ALDH3B1: variants seen among roughly 807,000 people sequenced by gnomAD.
The protein encoded by ALDH3B1 is aldehyde dehydrogenase 3 family member B1, also known as aldehyde dehydrogenase family 3 member B1.
Under a neutral mutation model 46.2 loss-of-function variants are expected in ALDH3B1, and 37 were observed. The ratio of observed to expected loss-of-function variants is 0.80; its 90% CI spans 0.62 to 1.05. The LOEUF (loss-of-function observed/expected upper bound fraction) is 1.05, where lower values mean the gene tolerates loss of function less well. Among genes scored for constraint, ALDH3B1 ranks in the 50% least tolerant of loss-of-function variants. The pLI is 0.00. For synonymous variants in ALDH3B1, 283 were observed against 281.0 expected (o/e 1.01, Z -0.07); for missense variants, 603 against 665.5 (o/e 0.91, Z 1.03).
At chr11:68,021,392 A>T in intron 6 of ALDH3B1, 93 bp from the exon 7 acceptor site, 1 of 1,520,272 alleles carries the variant, frequency 6.6e-7, no homozygotes, top group Non-Finnish European at 8.8e-7. Context: ...CGCTGACTCC[A>T]CCACCTCTCC....
intron 1 of ALDH3B1, chr11:68,014,940 G>A (rs377333285): frequency 2.6e-5 from 6 of 228,828 alleles, no homozygotes; most frequent in East Asian, 9.0e-5. Flanking sequence ...ATTTCTGTGC[G>A]GCAGGAAGAA....
chr11:68,027,747 AG>A lies in ALDH3B1; in HGVS notation c.1217del. The stretch of plus-strand genomic sequence containing the variant: ...CCACCTGTGTTCTGTGCCACTGTAC[AG>A]GTGCCAGTGGGATGGGCCGGTACCA... On this transcript the variant is annotated splice_acceptor_variant, in intron 9 of 9. Transcript: ENST00000342456. LOFTEE classifies it high-confidence loss of function. 6.4e-7 allele frequency: 1 copy of A among 1,555,016 alleles called. No homozygotes were observed. The highest frequency in any genetic ancestry group is 8.7e-7 in the Non-Finnish European group (1 of 1,148,084).
At chr11:68,014,197 G>A (rs1453935681) in intron 1 of ALDH3B1, among the ~76,000 whole-genome samples, 2 of 152,186 alleles carry the variant, frequency 1.3e-5, no homozygotes, top group Admixed American at 6.5e-5. Context: ...CCAGTCTAAT[G>A]AGGGGGAAAT....
At chr11:68,018,659 G>A (rs773150926) in intron 3 of ALDH3B1, 22 bp downstream of exon 3, 7 of 1,556,258 alleles carry the variant, frequency 4.5e-6, no homozygotes, top group Non-Finnish European at 6.1e-6. Flanking sequence ...GGGCTGAGGC[G>A]GGCAGGGGGC....
chr11:68,015,982 C>T (rs1236357191), intron 2 of ALDH3B1: 4 of 258,944 alleles, frequency 1.5e-5, no homozygotes, highest in Non-Finnish European at 3.1e-5. Flanking sequence ...ATGAGAATCG[C>T]TTGAACCTGG....
chr11:68,012,031 A>T (rs1302365879), intron 1 of ALDH3B1, among the ~76,000 whole-genome samples: 1 of 152,226 alleles, frequency 6.6e-6, no homozygotes, highest in Non-Finnish European at 1.5e-5. Context: ...CCCCCAGACC[A>T]TGCCATGCTG....
At chr11:68,023,144 G>A (rs927081130) in intron 8 of ALDH3B1, among the ~76,000 whole-genome samples, 2 of 152,166 alleles carry the variant, frequency 1.3e-5, no homozygotes, top group South Asian at 2.1e-4. Context: ...GTCCAAGAAT[G>A]AGCCCTGATC....
At position 68,028,011 on chromosome 11, in the gene ALDH3B1, G is replaced by A. The variant is rs749849588; in HGVS notation, c.*72G>A. On this transcript the variant is annotated 3_prime_UTR_variant, in exon 10 of 10. Coordinates refer to ENST00000342456, the MANE Select transcript of ALDH3B1 (RefSeq NM_000694.4). ...TGCGGCTGGTGGAGACGGGGCCTGG[G>A]CTCCCGGGCCCGAGGAGGAAAAGGA... 1.3e-6 allele frequency: 2 copies of A among 1,557,090 alleles called. No individual in the cohort carries two copies. Among genetic ancestry groups the A allele is most frequent in the South Asian group, 2.3e-5 (2 of 87,472 alleles).
rs1314257388 is a variant in ALDH3B1 at position 68,029,256 on chromosome 11, T to A, written c.*1317T>A. The A allele has an allele frequency of 6.6e-6, 1 of 152,264 alleles. No individual in the cohort carries two copies. The highest frequency in any genetic ancestry group is 1.5e-5 in the Non-Finnish European group (1 of 68,070). The allele number at this position is 152,264 out of a possible 1,614,324, so 9.4% of individuals were successfully genotyped here. A position where few individuals can be genotyped will look rare whatever the true frequency, so the allele number is the denominator to read the frequency against. ...GTCTCTCTGGCTGATGTCACCTGAATAAAGCCTTCTTCCCTGGCAATACTT... is the reference window on the plus strand; with the variant it reads ...GTCTCTCTGGCTGATGTCACCTGAAAAAAGCCTTCTTCCCTGGCAATACTT... On this transcript the variant is annotated 3_prime_UTR_variant, in exon 10 of 10. Transcript: ENST00000342456.
At chr11:68,019,034 C>A in intron 4 of ALDH3B1, 136 bp from the exon 5 acceptor site, 2 of 1,456,362 alleles carry the variant, frequency 1.4e-6, no homozygotes, top group Non-Finnish European at 1.8e-6. Flanking sequence ...GCTGTGTGGC[C>A]CTGGGCCCGT....
chr11:68,022,683 G>C lies in ALDH3B1; in HGVS notation c.1038G>C (p.Gln346His), dbSNP rs1369073108. Residue 346 changes from glutamine (Q) to histidine (H), a missense_variant, in exon 8 of 10, where the codon CAG (glutamine) becomes CAC (histidine). Gln to His is a conservative substitution (Grantham distance 24, BLOSUM62 0). Transcript: ENST00000342456. ...CCATCCTGCCCATCGTGAACGTGCAGAGCTTGGACGAGGCCATCGAGTTCA... is the reference window on the plus strand; with the variant it reads ...CCATCCTGCCCATCGTGAACGTGCACAGCTTGGACGAGGCCATCGAGTTCA... Reference protein sequence around the residue: ...FGPILPIVNVQSLDEAIEFIN... With the variant: ...FGPILPIVNVHSLDEAIEFIN... 2.5e-6 allele frequency: 4 copies of C among 1,614,194 alleles called. No individual in the cohort carries two copies. In the Admixed American group the frequency reaches 6.7e-5, roughly 27 times the overall value.
intron 1 of ALDH3B1, among the ~76,000 whole-genome samples, chr11:68,013,081 G>C (rs1462536693): frequency 6.6e-6 from 1 of 152,148 alleles, no homozygotes; most frequent in African/African-American, 2.4e-5. Context: ...CCTATTCTGT[G>C]TGTCCACAAT....
In ALDH3B1 at chr11:68,021,567, C is replaced by T. The variant is rs1857493835; in HGVS notation, c.645C>T (p.Asn215=). The change falls in exon 7 of 10, where the codon AAC becomes AAT. Residue 215 remains asparagine, a synonymous_variant. Coordinates refer to ENST00000342456, the MANE Select transcript of ALDH3B1 (RefSeq NM_000694.4). ...TCACCCTGGAGCTGGGGGGCAAGAACCCTTGCTACGTGGACGACAACTGCG... is the reference window on the plus strand; with the variant it reads ...TCACCCTGGAGCTGGGGGGCAAGAATCCTTGCTACGTGGACGACAACTGCG... The part of the protein sequence containing the change: ...TPVTLELGGK[N]PCYVDDNCDP... 1 of 1,614,010 alleles carries T rather than the reference C, an allele frequency of 6.2e-7. No individual in the cohort carries two copies. The highest frequency in any genetic ancestry group is 1.1e-5 in the South Asian group (1 of 91,094).
rs1189718136 is a variant in ALDH3B1, at chr11:68,019,735, G to A, written c.501G>A (p.Leu167=). 6.2e-7 allele frequency: 1 copy of A among 1,614,026 alleles called. No homozygotes were observed. The highest frequency in any genetic ancestry group is 1.3e-5 in the African/African-American group (1 of 74,944). Reference sequence around the variant, plus strand: ...TGCAGAGCTGCTTTGCTGTGGTGCTGGGCGGGCCCCAGGAGACGGGGCAGC... The same window carrying A: ...TGCAGAGCTGCTTTGCTGTGGTGCTAGGCGGGCCCCAGGAGACGGGGCAGC... ...YVDQSCFAVV[L]GGPQETGQLL... is the part of the protein sequence containing the mutation. Residue 167 remains leucine, a synonymous_variant, in exon 6 of 10, where the codon CTG becomes CTA. Transcript: ENST00000342456.
At chr11:68,010,955 C>T (rs1204636102) in intron 1 of ALDH3B1, among the ~76,000 whole-genome samples, 1 of 152,202 alleles carries the variant, frequency 6.6e-6, no homozygotes, top group Non-Finnish European at 1.5e-5. Flanking sequence ...GGAACTGTGC[C>T]CCATCAGGGA....
Position 68,018,845 on chromosome 11 carries a change from T to C in ALDH3B1, c.346T>C (p.Tyr116His). The C allele has an allele frequency of 3.8e-6, 6 of 1,564,950 alleles. No homozygotes were observed. The highest frequency in any genetic ancestry group is 5.2e-6 in the Non-Finnish European group (6 of 1,155,142). Reference protein sequence around the residue: ...GLVLIIAPWNYPLNLTLVPLV... With the variant: ...GLVLIIAPWNHPLNLTLVPLV... Reference sequence around the variant, plus strand: ...GGTCCTCATCATTGCGCCCTGGAACTATCCGCTGAACCTGACGCTGGTGCC... The same window carrying C: ...GGTCCTCATCATTGCGCCCTGGAACCATCCGCTGAACCTGACGCTGGTGCC... Residue 116 changes from tyrosine to histidine, a missense_variant, in exon 4 of 10, where the codon TAT becomes CAT. Coordinates refer to ENST00000342456, the MANE Select transcript of ALDH3B1 (RefSeq NM_000694.4).
At chr11:68,012,218 C>T (rs952388250) in intron 1 of ALDH3B1, among the ~76,000 whole-genome samples, 11 of 152,286 alleles carry the variant, frequency 7.2e-5, no homozygotes, top group Admixed American at 1.3e-4. Context: ...GGCAGCGGCT[C>T]GGCCAGCCAT....
rs1398198053 is a variant in ALDH3B1, at chr11:68,026,919, G to A, written c.1216+811G>A. On this transcript the variant is annotated intron_variant, in intron 9 of 9. Coordinates refer to ENST00000342456, the MANE Select transcript of ALDH3B1 (RefSeq NM_000694.4). ...CGGCTGCCCCCGACCCCACCTAGCT[G>A]CCTCCCCAGCCCCAGCCCCAGCCTC... 2.6e-5 allele frequency among the ~76,000 whole-genome samples: 4 copies of A among 152,134 alleles called. No individual in the cohort carries two copies. In the South Asian group the frequency reaches 6.2e-4, roughly 24 times the overall value.
At chr11:68,011,288 A>G (rs1857225051) in intron 1 of ALDH3B1, among the ~76,000 whole-genome samples, 1 of 152,164 alleles carries the variant, frequency 6.6e-6, no homozygotes, top group African/African-American at 2.4e-5. Flanking sequence ...ACCGCCTAAT[A>G]CCGGATCGCT....
Sources: allele counts gnomAD v4.1 joint callset (sites outside exome capture counted in the v4.1 genomes callset), GRCh38; gene constraint gnomAD v4.1.1; transcripts MANE v1.5; gene names NCBI Gene and HGNC (gene_info 2026-07-23, HGNC 2026-07-21).